DCLK1: variants seen among roughly 807,000 people sequenced by gnomAD.
The protein encoded by DCLK1 is serine/threonine-protein kinase DCLK1.
In DCLK1, 16 loss-of-function variants were observed where a neutral mutation model predicts 86.2. The ratio of observed to expected loss-of-function variants is 0.19; its 90% confidence interval spans 0.13 to 0.28. DCLK1 has a LOEUF of 0.28. DCLK1 is among the 10% of genes least tolerant of loss of function. The probability of loss-of-function intolerance (pLI) is 1.00; values close to 1 mark genes in which losing one functional copy is unlikely to be tolerated. For missense variants in DCLK1, 590 were observed against 940.2 expected, an observed-to-expected ratio of 0.63 and a Z score of 4.87; for synonymous variants, 369 against 370.5, an observed-to-expected ratio of 1.00 and a Z score of 0.05.
intron 5 of DCLK1, among the ~76,000 whole-genome samples, chr13:35,855,311 T>G (rs1870966940): frequency 6.6e-6 from 1 of 152,232 alleles, no homozygotes; most frequent in African/African-American, 2.4e-5. Flanking sequence ...TTTCTCTAAG[T>G]AACATCATCT....
chr13:36,062,787 T>G (rs1052564745), intron 3 of DCLK1, among the ~76,000 whole-genome samples: 1 of 152,234 alleles, frequency 6.6e-6, no homozygotes, highest in Non-Finnish European at 1.5e-5. Context: ...CAGACTAGAC[T>G]GGATCTACCT....
chr13:36,084,193 G>A (rs546334786), intron 3 of DCLK1, among the ~76,000 whole-genome samples: 13 of 152,034 alleles, frequency 8.6e-5, no homozygotes, highest in Non-Finnish European at 1.3e-4. Context: ...ATTTTTCCCC[G>A]CCCTGGCAGA....
intron 4 of DCLK1, among the ~76,000 whole-genome samples, chr13:35,933,160 C>T (rs1876551624): frequency 6.6e-6 from 1 of 152,234 alleles, no homozygotes; most frequent in South Asian, 2.1e-4. Context: ...TGTCTCACAT[C>T]CAGGCCATGC....
intron 4 of DCLK1, among the ~76,000 whole-genome samples, chr13:35,926,955 T>A (rs1876158678): frequency 6.6e-6 from 1 of 152,214 alleles, no homozygotes; most frequent in Admixed American, 6.5e-5. Flanking sequence ...CAACTTCACA[T>A]AATGGAATGA....
At chr13:35,924,001 G>A (rs1818997910) in intron 4 of DCLK1, among the ~76,000 whole-genome samples, 1 of 152,164 alleles carries the variant, frequency 6.6e-6, no homozygotes, top group African/African-American at 2.4e-5. Context: ...TATTTCAGCT[G>A]TGTTTCCAAT....
intron 3 of DCLK1, among the ~76,000 whole-genome samples, chr13:35,953,268 C>T (rs540412458): frequency 4.4e-4 from 67 of 152,144 alleles, no homozygotes; most frequent in Non-Finnish European, 1.5e-5. Flanking sequence ...GGAATTTGAA[C>T]GGAGGTCACT....
At chr13:35,860,527 G>A (rs895391203) in intron 5 of DCLK1, among the ~76,000 whole-genome samples, 1 of 152,142 alleles carries the variant, frequency 6.6e-6, no homozygotes, top group African/African-American at 2.4e-5. Flanking sequence ...AGAATAATGG[G>A]AAGGAGGGGC....
intron 3 of DCLK1, among the ~76,000 whole-genome samples, chr13:36,028,160 C>A (rs1882118978): frequency 6.6e-6 from 1 of 152,162 alleles, no homozygotes; most frequent in Non-Finnish European, 1.5e-5. Flanking sequence ...ATATGCATTT[C>A]TTGTGGACTT....
chr13:35,778,229 A>G (rs571698927), intron 16 of DCLK1, among the ~76,000 whole-genome samples: 1 of 152,160 alleles, frequency 6.6e-6, no homozygotes, highest in East Asian at 1.9e-4. Context: ...ACAAGGTCCA[A>G]TTTATTTACA....
chr13:35,849,982 A>C (rs1277176643), intron 6 of DCLK1: 1 of 964,762 alleles, frequency 1.0e-6, no homozygotes, highest in African/African-American at 1.8e-5. Context: ...TCATATTGGC[A>C]TATAGCTTAA....
chr13:36,091,671 T>A (rs1884832784), intron 3 of DCLK1, among the ~76,000 whole-genome samples: 1 of 152,156 alleles, frequency 6.6e-6, no homozygotes, highest in South Asian at 2.1e-4. Flanking sequence ...GATATATGAG[T>A]CAAGGTAGAT....
chr13:35,852,357 T>C (rs543659767), intron 6 of DCLK1, among the ~76,000 whole-genome samples: 2 of 152,316 alleles, frequency 1.3e-5, no homozygotes, highest in East Asian at 3.9e-4. Context: ...GGGAATGCCT[T>C]CATGCACTGA....
At chr13:35,976,528 T>TTTTTTG (rs1879344674) in intron 3 of DCLK1, among the ~76,000 whole-genome samples, 1 of 31,388 alleles carries the variant, frequency 3.2e-5, no homozygotes, top group Non-Finnish European at 8.5e-5. Flanking sequence ...CTCCGAGGTT[T>TTTTTTG]TTTTTTTTTT....
chr13:35,980,923 G>A (rs987454755), intron 3 of DCLK1, among the ~76,000 whole-genome samples: 3 of 152,082 alleles, frequency 2.0e-5, no homozygotes, highest in African/African-American at 7.2e-5. Flanking sequence ...CTCCCAAGGT[G>A]CTGGGATTAC....
chr13:36,131,013 C>G (rs1886345042), intron 1 of DCLK1, 101 bp downstream of exon 1: 1 of 150,096 alleles, frequency 6.7e-6, no homozygotes, highest in Non-Finnish European at 1.5e-5. Context: ...GAGCGCCCGC[C>G]CTGCCCTCGG....
At chr13:35,843,163 C>T (rs577414412) in intron 6 of DCLK1, among the ~76,000 whole-genome samples, 1 of 152,260 alleles carries the variant, frequency 6.6e-6, no homozygotes, top group South Asian at 2.1e-4. Flanking sequence ...ATTTTATAGT[C>T]CACATGCCAA....
rs575139766 is a variant in DCLK1 at position 35,805,217 on chromosome 13, C to G, written c.1944+482G>C. 6.5e-5 allele frequency: 10 copies of G among 154,232 alleles called. No individual in the cohort carries two copies. The South Asian group carries it at 2.0e-3, about 31-fold the overall frequency. 9.6% of individuals were successfully genotyped at this position (154,232 alleles called of 1,614,324 possible). A position where few individuals can be genotyped will look rare whatever the true frequency, so the allele number is the denominator to read the frequency against. On this transcript the variant is annotated intron_variant, in intron 15 of 16. Coordinates refer to ENST00000360631, the MANE Select transcript of DCLK1 (RefSeq NM_001330071.2). ...TCAGAATAAAATGTAATGGATACAT[C>G]AGATGCCCTCGTGGAACAAGTATAA... is the stretch of plus-strand genomic sequence containing the variant.
chr13:35,850,713 G>A, intron 6 of DCLK1: 1 of 1,598,162 alleles, frequency 6.3e-7, no homozygotes, highest in Non-Finnish European at 8.5e-7. Flanking sequence ...TTGCTCCATT[G>A]TTTCTTTTAC....
At chr13:35,932,941 C>A (rs1876537505) in intron 4 of DCLK1, among the ~76,000 whole-genome samples, 2 of 152,178 alleles carry the variant, frequency 1.3e-5, no homozygotes, top group South Asian at 4.1e-4. Context: ...TCATCTGAGA[C>A]AAGGCAAGTC....
Sources: allele counts gnomAD v4.1 joint callset (sites outside exome capture counted in the v4.1 genomes callset), GRCh38; gene constraint gnomAD v4.1.1; transcripts MANE v1.5; gene names NCBI Gene and HGNC (gene_info 2026-07-23, HGNC 2026-07-21).